The following TSNARE1 variants were observed in gnomAD, a reference collection of about 807,000 sequenced individuals.
TSNARE1 encodes the protein t-SNARE domain-containing protein 1.
A neutral mutation model predicts 62.0 loss-of-function variants in TSNARE1; 49 were observed. The ratio of observed to expected loss-of-function variants is 0.79; its 90% CI spans 0.63 to 1.00. TSNARE1 has a LOEUF of 1.00. Among genes scored for constraint, TSNARE1 ranks in the 50% least tolerant of loss-of-function variants. The pLI, the probability that TSNARE1 is intolerant of heterozygous loss-of-function variation, is 0.00. For missense variants in TSNARE1, 755 were observed against 700.1 expected (o/e 1.08, Z -0.88); for synonymous variants, 328 against 294.4 (o/e 1.11, Z -1.17).
At chr8:142,277,519 T>G in intron 11 of TSNARE1, 1 of 985,448 alleles carries the variant, frequency 1.0e-6, no homozygotes, top group Non-Finnish European at 1.2e-6. Context: ...TCGGGGCAAC[T>G]GGGCCTGCAG....
rs968181673 is a variant in TSNARE1, at chr8:142,271,562, GGGGA to G, written c.1446+3215_1446+3218del. On this transcript the variant is annotated intron_variant, in intron 12 of 13. Transcript: ENST00000524325. ...TGGGGTGGAGGCTGGGGAAGCAGGTGGGGAGGGTGAGGAGGTGGGTGCGTGGAAG... is the reference window on the plus strand; with the variant it reads ...TGGGGTGGAGGCTGGGGAAGCAGGTGGGGTGAGGAGGTGGGTGCGTGGAAG... 10 of 1,403,254 alleles carry G rather than the reference GGGGA, an allele frequency of 7.1e-6. No individual in the cohort carries two copies. In the South Asian group the frequency reaches 1.1e-4, roughly 15 times the overall value. 86.9% of individuals were successfully genotyped at this position (1,403,254 alleles called of 1,614,324 possible).
At chr8:142,276,372 C>T in intron 11 of TSNARE1, 1 of 985,458 alleles carries the variant, frequency 1.0e-6, no homozygotes, top group Non-Finnish European at 1.2e-6. Context: ...GACGGATCCC[C>T]CCACAATTGC....
chr8:142,290,273 G>A (rs914191466), intron 10 of TSNARE1, among the ~76,000 whole-genome samples: 1 of 152,190 alleles, frequency 6.6e-6, no homozygotes, highest in African/African-American at 2.4e-5. Context: ...GGCAGCAGCA[G>A]TTCTGGTGCT....
intron 12 of TSNARE1, among the ~76,000 whole-genome samples, chr8:142,230,892 T>TCATC (rs1014072632): frequency 4.2e-5 from 6 of 142,398 alleles, no homozygotes; most frequent in Admixed American, 4.2e-4. Context: ...ATGAGCCCAC[T>TCATC]CATCCATCCA....
chr8:142,386,963 A>G (rs1837154981), intron 1 of TSNARE1, among the ~76,000 whole-genome samples: 1 of 152,206 alleles, frequency 6.6e-6, no homozygotes, highest in African/African-American at 2.4e-5. Flanking sequence ...GGTAAAAGTG[A>G]TTGATATACA....
Position 142,344,107 on chromosome 8 carries a change from G to T in TSNARE1, c.604C>A (p.Leu202Ile). ...RAVVRRKLGD[L>I]RKAAHGPSPG... Reference sequence around the variant, plus strand: ...CTGGGGCCATGGGCCGCCTTCCGGAGGTCGCCCAGCTTGCGCCGCACGACG... The same window carrying T: ...CTGGGGCCATGGGCCGCCTTCCGGATGTCGCCCAGCTTGCGCCGCACGACG... Residue 202 changes from leucine to isoleucine, a missense_variant, in exon 4 of 14, where the codon CTC becomes ATC. Leu to Ile is a conservative substitution (Grantham distance 5). Transcript: ENST00000524325. 6.2e-7 allele frequency: 1 copy of T among 1,611,196 alleles called. No homozygotes were observed. The highest frequency in any genetic ancestry group is 8.5e-7 in the Non-Finnish European group (1 of 1,178,706).
intron 2 of TSNARE1, among the ~76,000 whole-genome samples, chr8:142,349,235 C>A (rs1833777522): frequency 6.6e-6 from 1 of 152,150 alleles, no homozygotes; most frequent in Non-Finnish European, 1.5e-5. Flanking sequence ...AAAAGTACAT[C>A]TGAAAATGAT....
intron 11 of TSNARE1, chr8:142,275,597 G>A: frequency 4.1e-6 from 4 of 985,402 alleles, no homozygotes; most frequent in South Asian, 9.4e-5. Flanking sequence ...GCACAGCCGG[G>A]GTCCTCAACA....
At chr8:142,268,350 C>T (rs1460548338) in intron 12 of TSNARE1, among the ~76,000 whole-genome samples, 1 of 152,260 alleles carries the variant, frequency 6.6e-6, no homozygotes, top group East Asian at 1.9e-4. Flanking sequence ...CCCTGCTCCT[C>T]AGCCACAATG....
At chr8:142,224,340 G>A (rs1816677153) in intron 13 of TSNARE1, among the ~76,000 whole-genome samples, 1 of 152,186 alleles carries the variant, frequency 6.6e-6, no homozygotes, top group African/African-American at 2.4e-5. Context: ...ATGGACCCTG[G>A]CCACACACTG....
chr8:142,275,925 C>G, intron 11 of TSNARE1: 1 of 985,362 alleles, frequency 1.0e-6, no homozygotes, highest in South Asian at 4.7e-5. Context: ...GCAAGGACTC[C>G]CTACTCTCAT....
At chr8:142,364,644 A>G (rs34530861) in intron 1 of TSNARE1, among the ~76,000 whole-genome samples, 17,740 of 152,236 alleles carry the variant, frequency 0.12, 1,174 homozygotes, top group African/African-American at 0.16. Context: ...AGTCTGGATC[A>G]TGGAGCATGC....
At chr8:142,240,434 A>G (rs1273709949) in intron 12 of TSNARE1, among the ~76,000 whole-genome samples, 5 of 152,252 alleles carry the variant, frequency 3.3e-5, no homozygotes, top group Admixed American at 2.6e-4. Context: ...AATTTATGAT[A>G]GGTCACACAG....
chr8:142,301,563 T>A (rs1314713760), intron 9 of TSNARE1, among the ~76,000 whole-genome samples: 1 of 152,108 alleles, frequency 6.6e-6, no homozygotes, highest in Non-Finnish European at 1.5e-5. Flanking sequence ...GCCCTGCCCA[T>A]GCCAGCGGGC....
At chr8:142,279,532 CA>C (rs1484882610) in intron 11 of TSNARE1, among the ~76,000 whole-genome samples, 1 of 152,240 alleles carries the variant, frequency 6.6e-6, no homozygotes, top group Non-Finnish European at 1.5e-5. Flanking sequence ...CCCATCTGGA[CA>C]CCCGGTGGGC....
chr8:142,255,384 TACCACCACCATTACCATC>T (rs1818376571), intron 12 of TSNARE1, among the ~76,000 whole-genome samples: 1 of 104,276 alleles, frequency 9.6e-6, no homozygotes, highest in East Asian at 3.1e-4. Flanking sequence ...TCATGGCTGT[TACCACCACCATTACCATC>T]ACCACCACCA....
intron 9 of TSNARE1, among the ~76,000 whole-genome samples, chr8:142,313,654 A>AGTCTCTGTGTGTCTGT (rs1357026020): frequency 7.2e-6 from 1 of 138,890 alleles, no homozygotes; most frequent in Non-Finnish European, 1.6e-5. Flanking sequence ...TGTCTCTGCA[A>AGTCTCTGTGTGTCTGT]GTCTCTGTGT....
chr8:142,226,967 A>AACC (rs1563760331), intron 13 of TSNARE1, among the ~76,000 whole-genome samples: 2 of 131,582 alleles, frequency 1.5e-5, no homozygotes, highest in African/African-American at 8.0e-5. Flanking sequence ...CTGCACCCAC[A>AACC]CGGCAGTGAC....
At chr8:142,318,423 C>G (rs1828923656) in intron 7 of TSNARE1, 121 bp downstream of exon 7, 2 of 970,490 alleles carry the variant, frequency 2.1e-6, no homozygotes, top group Non-Finnish European at 3.1e-6. Flanking sequence ...CCAGGCCAGT[C>G]TGTGTCCATC....
Sources: allele counts gnomAD v4.1 joint callset (sites outside exome capture counted in the v4.1 genomes callset), GRCh38; gene constraint gnomAD v4.1.1; transcripts MANE v1.5; gene names NCBI Gene and HGNC (gene_info 2026-07-23, HGNC 2026-07-21).